SLC7A11: variants seen among roughly 807,000 people sequenced by gnomAD.
SLC7A11 encodes the protein cystine/glutamate transporter.
A neutral mutation model predicts 54.5 loss-of-function variants in SLC7A11; 35 were observed. That is an observed-to-expected ratio of 0.64 (90% CI 0.49 to 0.85). The LOEUF is 0.85. Ranked by LOEUF, SLC7A11 falls within the 40% of genes least tolerant of loss-of-function variation. The probability of loss-of-function intolerance (pLI) is 0.00; values close to 1 mark genes in which losing one functional copy is unlikely to be tolerated. For synonymous variants in SLC7A11, 230 were observed against 225.2 expected, an observed-to-expected ratio of 1.02 and a Z score of -0.19; for missense variants, 583 against 618.1, an observed-to-expected ratio of 0.94 and a Z score of 0.60.
At chr4:138,180,847 C>G in intron 9 of SLC7A11, 57 bp from the exon 10 acceptor site, 1 of 1,484,066 alleles carries the variant, frequency 6.7e-7, no homozygotes, top group East Asian at 2.3e-5. Context: ...AGATGATTAA[C>G]AACAAAAACC....
chr4:138,192,173 C>T (rs1244893201), intron 6 of SLC7A11, among the ~76,000 whole-genome samples: 2 of 152,124 alleles, frequency 1.3e-5, no homozygotes, highest in East Asian at 3.9e-4. Flanking sequence ...TCTGTTTTCT[C>T]TTTCCAAAGT....
At chr4:138,234,252 T>C (rs1038586865) in intron 2 of SLC7A11, among the ~76,000 whole-genome samples, 3 of 152,220 alleles carry the variant, frequency 2.0e-5, no homozygotes, top group African/African-American at 7.2e-5. Context: ...CCCTGCTGTG[T>C]ACAGATAGAT....
chr4:138,218,562 GTACAAA>G (rs1204494565), intron 5 of SLC7A11, among the ~76,000 whole-genome samples: 1 of 152,104 alleles, frequency 6.6e-6, no homozygotes, highest in Non-Finnish European at 1.5e-5. Flanking sequence ...AACAAATAAG[GTACAAA>G]TACAAAGTTT....
At chr4:138,180,456 G>A (rs1560718088) in intron 10 of SLC7A11, among the ~76,000 whole-genome samples, 185 bp downstream of exon 10, 1 of 151,956 alleles carries the variant, frequency 6.6e-6, no homozygotes, top group African/African-American at 2.4e-5. Context: ...ATAAAAAATT[G>A]GATCCACTGT....
Position 138,238,756 on chromosome 4 carries a change from T to G in SLC7A11, c.278-2305A>C, listed in dbSNP as rs116167757. Among the ~76,000 whole-genome samples, 806 of 152,136 alleles carry G rather than the reference T, an allele frequency of 5.3e-3. 3 individuals are homozygous for G. The highest frequency in any genetic ancestry group is 0.017 in the Middle Eastern group (5 of 294). ...CTGGGACCACAGGTACACACCACCA[T>G]GCCCAGCTAAATTTTTGTGTATTTT... On this transcript the variant is annotated intron_variant, in intron 1 of 11. Transcript: ENST00000280612.
At position 138,180,817 on chromosome 4, in the gene SLC7A11, G is replaced by C. The variant is rs770720768; in HGVS notation, c.1117-27C>G. On this transcript the variant is annotated intron_variant, in intron 9 of 11. Coordinates refer to ENST00000280612, the MANE Select transcript of SLC7A11 (RefSeq NM_014331.4). ...TGAGGGGGGAAAGGGAAGCAAGCTT[G>C]GTGAATTCAGTGAAAACACAGATGA... 8 of 1,596,916 alleles carry C rather than the reference G, an allele frequency of 5.0e-6. No individual in the cohort carries two copies. The East Asian group carries it at 1.8e-4, about 36-fold the overall frequency.
intron 7 of SLC7A11, among the ~76,000 whole-genome samples, chr4:138,184,375 T>C (rs1736824663): frequency 6.6e-6 from 1 of 152,160 alleles, no homozygotes; most frequent in Admixed American, 6.6e-5. Flanking sequence ...CACCATTCAT[T>C]GTTATGAGGT....
chr4:138,190,450 T>C (rs1229113108), intron 6 of SLC7A11, among the ~76,000 whole-genome samples: 2 of 152,132 alleles, frequency 1.3e-5, no homozygotes, highest in Non-Finnish European at 2.9e-5. Context: ...TCATACTTGT[T>C]TCACATTTTC....
At chr4:138,208,938 C>T (rs1410465252) in intron 6 of SLC7A11, among the ~76,000 whole-genome samples, 2 of 151,988 alleles carry the variant, frequency 1.3e-5, no homozygotes, top group Admixed American at 6.6e-5. Context: ...ATCACACAAA[C>T]AGAAATTTTG....
intron 6 of SLC7A11, among the ~76,000 whole-genome samples, chr4:138,202,060 T>C (rs1398193462): frequency 2.0e-5 from 3 of 152,136 alleles, no homozygotes; most frequent in Non-Finnish European, 1.5e-5. Context: ...TGGATACTTA[T>C]GGGCAATCCC....
chr4:138,227,504 A>G (rs1231944410), intron 3 of SLC7A11, among the ~76,000 whole-genome samples: 1 of 152,238 alleles, frequency 6.6e-6, no homozygotes, highest in Non-Finnish European at 1.5e-5. Context: ...AAGACTTTAC[A>G]TGAATAATGT....
chr4:138,172,820 T>C (rs190115860), intron 11 of SLC7A11, among the ~76,000 whole-genome samples: 2 of 152,250 alleles, frequency 1.3e-5, no homozygotes, highest in South Asian at 2.1e-4. Context: ...TCTGGGGACA[T>C]TAGTTCTTGT....
chr4:138,229,313 G>A (rs868491872), intron 3 of SLC7A11, among the ~76,000 whole-genome samples: 13 of 152,158 alleles, frequency 8.5e-5, no homozygotes, highest in East Asian at 3.9e-4. Context: ...ATCTCCACCC[G>A]CTGTTGCACC....
intron 3 of SLC7A11, among the ~76,000 whole-genome samples, chr4:138,229,909 G>T (rs1421308483): frequency 6.6e-6 from 1 of 152,082 alleles, no homozygotes; most frequent in Admixed American, 6.6e-5. Context: ...TCTCAAAAAT[G>T]CCACCCCTGC....
At chr4:138,179,111 A>G (rs1049855871) in intron 11 of SLC7A11, 106 bp downstream of exon 11, 8 of 746,384 alleles carry the variant, frequency 1.1e-5, no homozygotes, top group East Asian at 2.6e-5. Context: ...TCTCAAATCA[A>G]TTGTGCCACT....
chr4:138,183,945 G>A (rs1432138676), intron 7 of SLC7A11, among the ~76,000 whole-genome samples: 4 of 152,006 alleles, frequency 2.6e-5, no homozygotes, highest in Admixed American at 6.6e-5. Context: ...ATATAAGTCC[G>A]ATAAGCCACA....
chr4:138,237,735 ATATTTTTTTTTTTT>A (rs1239694567), intron 1 of SLC7A11, among the ~76,000 whole-genome samples: 4 of 9,220 alleles, frequency 4.3e-4, no homozygotes, highest in Admixed American at 2.6e-3. Flanking sequence ...ATATATATAT[ATATTTTTTTTTTTT>A]TTTTTTTTTT....
At chr4:138,172,344 A>G (rs1736447336) in intron 11 of SLC7A11, among the ~76,000 whole-genome samples, 1 of 152,230 alleles carries the variant, frequency 6.6e-6, no homozygotes, top group East Asian at 1.9e-4. Context: ...TACACTTTAT[A>G]TCAGTTTAAA....
intron 6 of SLC7A11, among the ~76,000 whole-genome samples, chr4:138,206,961 T>A (rs933876042): frequency 7.4e-6 from 1 of 134,934 alleles, no homozygotes; most frequent in East Asian, 2.2e-4. Context: ...TAAAAATGGA[T>A]TAATCAAGCT....
Sources: allele counts gnomAD v4.1 joint callset (sites outside exome capture counted in the v4.1 genomes callset), GRCh38; gene constraint gnomAD v4.1.1; transcripts MANE v1.5; gene names NCBI Gene and HGNC (gene_info 2026-07-23, HGNC 2026-07-21).